Variants in CA8 observed in about 807,000 individuals in gnomAD.
CA8 encodes carbonic anhydrase 8 (inactive), also known as carbonic anhydrase-related protein.
CA8 carries 22 observed loss-of-function variants against 41.4 expected under a neutral mutation model. The ratio of observed to expected loss-of-function variants is 0.53; its 90% CI spans 0.38 to 0.76. The LOEUF is 0.76. Among genes scored for constraint, CA8 ranks in the 30% least tolerant of loss-of-function variants. The pLI is 0.00. For synonymous variants in CA8, 121 were observed against 130.6 expected (o/e 0.93, Z 0.50); for missense variants, 270 against 352.8 (o/e 0.77, Z 1.88).
At chr8:60,211,849 C>CGTAT (rs1806846877) in intron 7 of CA8, among the ~76,000 whole-genome samples, 1 of 152,168 alleles carries the variant, frequency 6.6e-6, no homozygotes, top group Admixed American at 6.5e-5. Flanking sequence ...GTTTCAAGTG[C>CGTAT]ATACTGAATC....
At chr8:60,277,181 T>C (rs990784226) in intron 2 of CA8, among the ~76,000 whole-genome samples, 1 of 132 alleles carries the variant, frequency 7.6e-3, no homozygotes, top group Non-Finnish European at 0.018. Flanking sequence ...AGTTCATACA[T>C]AGCTTACTAC....
At chr8:60,241,435 C>T (rs79911924) in intron 3 of CA8, among the ~76,000 whole-genome samples, 2,433 of 152,300 alleles carry the variant, frequency 0.016, 32 homozygotes, top group Non-Finnish European at 0.027. Flanking sequence ...GTAAAAGGCA[C>T]TAGTGCTATG....
rs879675312 is a variant in CA8, at chr8:60,227,292, CA to C, written c.514-358del. ...TGGATGACACAGCAAGACTCTGTCTCAAAAAAAAAAAACTAACAGAACTCGG... is the reference window on the plus strand; with the variant it reads ...TGGATGACACAGCAAGACTCTGTCTCAAAAAAAAAAACTAACAGAACTCGG... On this transcript the variant is annotated intron_variant, in intron 4 of 8. Transcript: ENST00000317995. 1.4e-4 allele frequency among the ~76,000 whole-genome samples: 20 copies of C among 138,084 alleles called. 1 individual carries two copies. The highest frequency in any genetic ancestry group is 1.1e-3 in the South Asian group (5 of 4,382). 90.6% of individuals were successfully genotyped at this position (138,084 alleles called of 152,430 possible). A position where few individuals can be genotyped will look rare whatever the true frequency, so the allele number is the denominator to read the frequency against.
At chr8:60,270,036 T>C (rs1246591228) in intron 2 of CA8, among the ~76,000 whole-genome samples, 2 of 151,926 alleles carry the variant, frequency 1.3e-5, no homozygotes, top group Non-Finnish European at 1.5e-5. Context: ...AGCTTAAGAG[T>C]GTTCTAGGAG....
intron 4 of CA8, among the ~76,000 whole-genome samples, chr8:60,228,840 C>T (rs1585877829): frequency 6.6e-6 from 1 of 152,314 alleles, no homozygotes; most frequent in East Asian, 1.9e-4. Context: ...AAAGACTCTA[C>T]TTTATGGGCA....
rs901936165 is a variant in CA8, at chr8:60,187,990, G to A, written c.*2031C>T. The stretch of plus-strand genomic sequence containing the variant: ...TTCCTACAAAAGCGTATTATAAACA[G>A]TATTCATATTCTGAATCTGAGGTAA... On this transcript the variant is annotated 3_prime_UTR_variant, in exon 9 of 9. Coordinates refer to ENST00000317995, the MANE Select transcript of CA8 (RefSeq NM_004056.6). 4.6e-5 allele frequency: 7 copies of A among 152,144 alleles called. No homozygotes were observed. Among genetic ancestry groups the A allele is most frequent in the Admixed American group, 4.6e-4 (7 of 15,266 alleles). 9.4% of individuals were successfully genotyped at this position (152,144 alleles called of 1,614,324 possible). A position where few individuals can be genotyped will look rare whatever the true frequency, so the allele number is the denominator to read the frequency against.
At chr8:60,229,971 TG>T (rs1807583759) in intron 4 of CA8, among the ~76,000 whole-genome samples, 1 of 152,254 alleles carries the variant, frequency 6.6e-6, no homozygotes, top group Non-Finnish European at 1.5e-5. Context: ...TACCCTGTCC[TG>T]TATGATCTGG....
intron 8 of CA8, among the ~76,000 whole-genome samples, chr8:60,190,906 T>C (rs1327495202): frequency 1.5e-5 from 2 of 134,876 alleles, no homozygotes; most frequent in Non-Finnish European, 3.2e-5. Flanking sequence ...ATAGTATATA[T>C]GTATCTGTGG....
At chr8:60,199,835 A>G (rs1484825170) in intron 8 of CA8, among the ~76,000 whole-genome samples, 1 of 152,238 alleles carries the variant, frequency 6.6e-6, no homozygotes, top group African/African-American at 2.4e-5. Context: ...GCCAATCTAT[A>G]TGTACCAACA....
intron 1 of CA8, 138 bp from the exon 2 acceptor site, chr8:60,280,018 G>A (rs1368224619): frequency 3.1e-6 from 2 of 645,150 alleles, no homozygotes; most frequent in African/African-American, 1.8e-5. Flanking sequence ...ATGAAATATG[G>A]TAATTCTATT....
At chr8:60,232,221 T>C in intron 4 of CA8, 63 bp downstream of exon 4, 1 of 1,301,456 alleles carries the variant, frequency 7.7e-7, no homozygotes, top group Non-Finnish European at 1.1e-6. Flanking sequence ...ATAAAAAAAT[T>C]TTACAAAATG....
intron 8 of CA8, among the ~76,000 whole-genome samples, chr8:60,198,488 A>C (rs1483143298): frequency 6.6e-6 from 1 of 152,188 alleles, no homozygotes; most frequent in Non-Finnish European, 1.5e-5. Context: ...GTGTTAGGAT[A>C]CTTTGACACT....
chr8:60,193,133 C>T (rs1377795728), intron 8 of CA8, among the ~76,000 whole-genome samples: 1 of 151,432 alleles, frequency 6.6e-6, no homozygotes, highest in African/African-American at 2.4e-5. Context: ...CTTTCCTGCA[C>T]AACATTTTGT....
At chr8:60,228,778 A>G (rs748837475) in intron 4 of CA8, among the ~76,000 whole-genome samples, 1 of 152,220 alleles carries the variant, frequency 6.6e-6, no homozygotes, top group South Asian at 2.1e-4. Context: ...CATCAAATAT[A>G]GTTTTTCCAT....
chr8:60,190,278 A>C (rs1047908933), intron 8 of CA8, among the ~76,000 whole-genome samples: 2 of 151,552 alleles, frequency 1.3e-5, no homozygotes, highest in Admixed American at 1.3e-4. Flanking sequence ...AAAAATATGT[A>C]TATCATGTCA....
intron 3 of CA8, among the ~76,000 whole-genome samples, chr8:60,257,453 G>A (rs7463988): frequency 0.032 from 4,874 of 152,172 alleles, 181 homozygotes; most frequent in African/African-American, 0.089. Context: ...AGTTTTATAG[G>A]CAGGTTGGAA....
chr8:60,228,668 G>C (rs1205452390), intron 4 of CA8, among the ~76,000 whole-genome samples: 1 of 152,172 alleles, frequency 6.6e-6, no homozygotes, highest in African/African-American at 2.4e-5. Flanking sequence ...AAATGATAGG[G>C]TTGAAGATAA....
At chr8:60,265,056 T>A (rs549186109) in intron 3 of CA8, 2 of 152,292 alleles carry the variant, frequency 1.3e-5, no homozygotes, top group Admixed American at 1.3e-4. Flanking sequence ...ACCAAAGGGC[T>A]ATTTTCTGGG....
chr8:60,219,907 T>A, intron 7 of CA8, among the ~76,000 whole-genome samples: 2 of 131,328 alleles, frequency 1.5e-5, no homozygotes, highest in African/African-American at 3.0e-5. Flanking sequence ...ACAAAACCTC[T>A]AGTATTTCCT....
Sources: allele counts gnomAD v4.1 joint callset (sites outside exome capture counted in the v4.1 genomes callset), GRCh38; gene constraint gnomAD v4.1.1; transcripts MANE v1.5; gene names NCBI Gene and HGNC (gene_info 2026-07-23, HGNC 2026-07-21).